SCARA5: variants seen among roughly 807,000 people sequenced by gnomAD.
SCARA5 encodes scavenger receptor class A member 5.
SCARA5 carries 45 observed loss-of-function variants against 46.3 expected under a neutral mutation model. The ratio of observed to expected loss-of-function variants is 0.97; its 90% CI spans 0.76 to 1.24. SCARA5 has a LOEUF of 1.24. Ranked by LOEUF, SCARA5 falls within the 50% of genes most tolerant of loss-of-function variation. The pLI is 0.00. For synonymous variants in SCARA5, 333 were observed against 306.5 expected, an observed-to-expected ratio of 1.09 and a Z score of -0.90; for missense variants, 680 against 689.0, an observed-to-expected ratio of 0.99 and a Z score of 0.15.
In SCARA5 at chr8:27,949,965, G is replaced by C. The variant is rs956561584; in HGVS notation, c.241+16449C>G. Among the ~76,000 whole-genome samples the C allele has an allele frequency of 3.3e-5, 5 of 152,352 alleles. No individual in the cohort carries two copies. In the South Asian group the frequency reaches 1.0e-3, roughly 32 times the overall value. On this transcript the variant is annotated intron_variant, in intron 3 of 8. Transcript: ENST00000354914. Reference sequence around the variant, plus strand: ...TGATGGTGCTGCTAAGCATGAACAAGCAGGCTGGCCTTGGGCAGGTCCACC... The same window carrying C: ...TGATGGTGCTGCTAAGCATGAACAACCAGGCTGGCCTTGGGCAGGTCCACC...
At chr8:27,973,485 A>AATT (rs1563199583) in intron 2 of SCARA5, among the ~76,000 whole-genome samples, 46 of 151,962 alleles carry the variant, frequency 3.0e-4, no homozygotes, top group African/African-American at 9.9e-4. Flanking sequence ...TCAAATAAAT[A>AATT]AATTAATTAA....
intron 7 of SCARA5, among the ~76,000 whole-genome samples, chr8:27,885,313 C>G (rs4732786): frequency 0.75 from 114,306 of 152,072 alleles, 43,239 homozygotes; most frequent in Non-Finnish European, 0.8. Context: ...CTGGCCTAAG[C>G]TTTCCTTGTC....
intron 5 of SCARA5, among the ~76,000 whole-genome samples, chr8:27,908,338 G>GCGGTGACGGTGA (rs79896587): frequency 6.6e-6 from 1 of 152,062 alleles, no homozygotes; most frequent in Non-Finnish European, 1.5e-5. Flanking sequence ...GCCACCTCCT[G>GCGGTGACGGTGA]CGGTGACGGT....
At chr8:27,903,242 G>A (rs887575097) in intron 7 of SCARA5, 3 of 152,182 alleles carry the variant, frequency 2.0e-5, no homozygotes, top group East Asian at 1.9e-4. Context: ...TGAGACCAAG[G>A]AAGCATGAAA....
chr8:27,914,113 C>T (rs560124039), intron 4 of SCARA5, among the ~76,000 whole-genome samples: 1 of 152,244 alleles, frequency 6.6e-6, no homozygotes, highest in South Asian at 2.1e-4. Flanking sequence ...GTGAATAAGT[C>T]TCATGAGGTC....
intron 2 of SCARA5, among the ~76,000 whole-genome samples, chr8:27,986,334 T>A (rs1808704701): frequency 6.6e-6 from 1 of 152,224 alleles, no homozygotes; most frequent in Admixed American, 6.5e-5. Flanking sequence ...CGCCTGACTT[T>A]ATTATTCACA....
At chr8:27,910,838 G>C (rs1807361595) in intron 4 of SCARA5, among the ~76,000 whole-genome samples, 2 of 152,202 alleles carry the variant, frequency 1.3e-5, no homozygotes, top group African/African-American at 4.8e-5. Flanking sequence ...CCCGAGTGGG[G>C]CTGCCCTCCA....
intron 3 of SCARA5, among the ~76,000 whole-genome samples, chr8:27,957,450 T>C (rs900771244): frequency 2.6e-5 from 4 of 152,264 alleles, no homozygotes; most frequent in Non-Finnish European, 5.9e-5. Context: ...TAATCCCTTC[T>C]GCTCTGCTAT....
At chr8:27,977,259 T>C (rs554229089) in intron 2 of SCARA5, among the ~76,000 whole-genome samples, 3 of 152,202 alleles carry the variant, frequency 2.0e-5, no homozygotes, top group African/African-American at 7.2e-5. Flanking sequence ...GATTTCAACA[T>C]AGGAATTTGG....
intron 5 of SCARA5, among the ~76,000 whole-genome samples, chr8:27,907,897 C>T (rs1346034425): frequency 1.3e-5 from 2 of 152,104 alleles, no homozygotes; most frequent in African/African-American, 4.8e-5. Context: ...TTTTTGAGTG[C>T]TTTCTACGTG....
In SCARA5 at chr8:27,921,437, T is replaced by TG. The variant is rs11352750; in HGVS notation, c.916+133dup. 10 of 707,006 alleles carry TG rather than the reference T, an allele frequency of 1.4e-5. No individual in the cohort carries two copies. In the African/African-American group the frequency reaches 1.8e-4, roughly 12 times the overall value. 43.8% of individuals were successfully genotyped at this position (707,006 alleles called of 1,614,324 possible). A position where few individuals can be genotyped will look rare whatever the true frequency, so the allele number is the denominator to read the frequency against. On this transcript the variant is annotated intron_variant, in intron 4 of 8. Transcript: ENST00000354914. ...CCTGTAGGGCAAGACTTAGAGAGTATGGGGCTGGGAATGGCAAGTGCACTT... is the reference window on the plus strand; with the variant it reads ...CCTGTAGGGCAAGACTTAGAGAGTATGGGGGCTGGGAATGGCAAGTGCACTT...
intron 7 of SCARA5, among the ~76,000 whole-genome samples, chr8:27,903,907 C>A (rs536612505): frequency 6.6e-6 from 1 of 152,132 alleles, no homozygotes; most frequent in Non-Finnish European, 1.5e-5. Context: ...TGCGCCCTCA[C>A]GTGGGACAGA....
chr8:27,977,318 C>A (rs1011006460), intron 2 of SCARA5, among the ~76,000 whole-genome samples: 1 of 152,132 alleles, frequency 6.6e-6, no homozygotes, highest in African/African-American at 2.4e-5. Context: ...ACCCAGGACT[C>A]CCCAGGCCCC....
chr8:27,955,280 G>C (rs556634292), intron 3 of SCARA5, among the ~76,000 whole-genome samples: 2 of 152,148 alleles, frequency 1.3e-5, no homozygotes, highest in African/African-American at 2.4e-5. Flanking sequence ...CCTCTTCCAG[G>C]GTTTCCCAGC....
In SCARA5 at chr8:27,904,790, C is replaced by T. The variant is rs368145327; in HGVS notation, c.1141G>A (p.Ala381Thr). ...KGEKGEKGDR[A>T]GDASGVEAPM... ...AGAATGTCCTTACTGGCATCCCCAG[C>T]TCTGTCTCCTTTCTCTCCTTTCTCT... Residue 381 changes from alanine to threonine, a missense_variant, in exon 7 of 9, where the codon GCT (alanine) becomes ACT (threonine). Physicochemically the swap from Ala to Thr is moderately conservative, Grantham distance 58. This residue lies in a region of SCARA5 where 219 missense variants were observed against 269.5 expected (regional missense o/e 0.81). Coordinates refer to ENST00000354914, the MANE Select transcript of SCARA5 (RefSeq NM_173833.6). 12 of 1,614,012 alleles carry T rather than the reference C, an allele frequency of 7.4e-6. No homozygotes were observed. The highest frequency in any genetic ancestry group is 9.3e-6 in the Non-Finnish European group (11 of 1,179,872).
rs375838700 is a variant in SCARA5, at chr8:27,922,249, C to T, written c.242-4G>A. ...GGGGAGCTGCGCGGCCTGGACACTG[C>T]GGAGGAGGAAGAGGGGAGACTTGAG... is the stretch of plus-strand genomic sequence containing the variant. On this transcript the variant is annotated splice_polypyrimidine_tract_variant and splice_region_variant and intron_variant, in intron 3 of 8. Coordinates refer to ENST00000354914, the MANE Select transcript of SCARA5 (RefSeq NM_173833.6). 65 of 1,515,822 alleles carry T rather than the reference C, an allele frequency of 4.3e-5. No individual in the cohort carries two copies. In the South Asian group the frequency reaches 5.4e-4, roughly 13 times the overall value. The allele number at this position is 1,515,822 out of a possible 1,614,324, so 93.9% of individuals were successfully genotyped here.
At chr8:27,961,912 C>T (rs1181729380) in intron 3 of SCARA5, among the ~76,000 whole-genome samples, 1 of 152,102 alleles carries the variant, frequency 6.6e-6, no homozygotes. Context: ...TCCCTTGTCT[C>T]TGTCATTCAT....
intron 3 of SCARA5, among the ~76,000 whole-genome samples, chr8:27,938,653 A>G (rs1023495994): frequency 3.3e-5 from 5 of 152,214 alleles, no homozygotes; most frequent in Non-Finnish European, 7.3e-5. Flanking sequence ...ATGAATCAGT[A>G]CACGGAGAGA....
chr8:27,973,427 A>G (rs1375234616), intron 2 of SCARA5, among the ~76,000 whole-genome samples: 1 of 152,124 alleles, frequency 6.6e-6, no homozygotes, highest in African/African-American at 2.4e-5. Context: ...CAGTGAGCCG[A>G]GATCGCGCCA....
Sources: allele counts gnomAD v4.1 joint callset (sites outside exome capture counted in the v4.1 genomes callset), GRCh38; gene constraint gnomAD v4.1.1; regional missense constraint gnomAD v4.1.1; transcripts MANE v1.5; gene names NCBI Gene and HGNC (gene_info 2026-07-23, HGNC 2026-07-21).